SEMA7A: variants seen among roughly 807,000 people sequenced by gnomAD.
SEMA7A encodes the protein semaphorin 7A (JohnMiltonHagen blood group).
A neutral mutation model predicts 67.5 loss-of-function variants in SEMA7A; 21 were observed. The ratio of observed to expected loss-of-function variants is 0.31; its 90% CI spans 0.22 to 0.45. The LOEUF (loss-of-function observed/expected upper bound fraction) is 0.45, where lower values mean the gene tolerates loss of function less well. Ranked by LOEUF, SEMA7A falls within the 20% of genes least tolerant of loss-of-function variation. The pLI is 1.00. For missense variants in SEMA7A, 774 were observed against 908.6 expected (o/e 0.85, Z 1.90); for synonymous variants, 364 against 368.5 (o/e 0.99, Z 0.14).
chr15:74,418,588 C>T (rs2060972751), intron 2 of SEMA7A, among the ~76,000 whole-genome samples: 1 of 152,184 alleles, frequency 6.6e-6, no homozygotes, highest in African/African-American at 2.4e-5. Flanking sequence ...CTGGCCAGGC[C>T]CATTAGCTCC....
intron 8 of SEMA7A, among the ~76,000 whole-genome samples, chr15:74,415,211 C>T (rs1050207519): frequency 6.6e-6 from 1 of 152,172 alleles, no homozygotes; most frequent in East Asian, 1.9e-4. Context: ...CCATCATAGG[C>T]TGAGCAGTTC....
rs368622112 is a variant in SEMA7A at position 74,410,882 on chromosome 15, C to G, written c.1743G>C (p.Glu581Asp). ...CAGGTTCGCAGCTCTGCTCCACGTT[C>G]TCCTTGTGGCGCCATGAGTAGGTGG... ...RHATYSWRHK[E>D]NVEQSCEPGH... The change falls in exon 14 of 14, where the codon GAG becomes GAC. Residue 581 changes from glutamate to aspartate, a missense_variant. Physicochemically the swap from Glu to Asp is conservative, Grantham distance 45. This residue lies in a region of SEMA7A where 427 missense variants were observed against 555.4 expected (regional missense o/e 0.77). Coordinates refer to ENST00000261918, the MANE Select transcript of SEMA7A (RefSeq NM_003612.5). This position sits in a 1 kb window ranked among gnomAD's most constrained non-coding sequence, Gnocchi z 7.5. The G allele has an allele frequency of 6.2e-7, 1 of 1,614,100 alleles. No individual in the cohort carries two copies. The highest frequency in any genetic ancestry group is 2.2e-5 in the East Asian group (1 of 44,892).
chr15:74,418,097 G>A (rs1169367659), intron 3 of SEMA7A, 128 bp from the exon 4 acceptor site: 2 of 1,201,886 alleles, frequency 1.7e-6, no homozygotes, highest in Admixed American at 1.9e-5. Context: ...CAGCCTCCCG[G>A]GACAGCCCAG....
chr15:74,427,312 C>A, intron 1 of SEMA7A: 4 of 985,386 alleles, frequency 4.1e-6, no homozygotes, highest in Non-Finnish European at 4.8e-6. Flanking sequence ...TGGAGAGAAG[C>A]AAGACTGGGG....
chr15:74,410,697 T>C lies in SEMA7A; in HGVS notation c.1928A>G (p.His643Arg). 2 of 1,613,526 alleles carry C rather than the reference T, an allele frequency of 1.2e-6. No individual in the cohort carries two copies. Among genetic ancestry groups the C allele is most frequent in the Non-Finnish European group, 1.7e-6 (2 of 1,179,726 alleles). Residue 643 changes from histidine (H) to arginine (R), a missense_variant, in exon 14 of 14, where the codon CAT (histidine) becomes CGT (arginine). This residue lies in a region of SEMA7A where 427 missense variants were observed against 555.4 expected (regional missense o/e 0.77). Coordinates refer to ENST00000261918, the MANE Select transcript of SEMA7A (RefSeq NM_003612.5). The surrounding 1 kb of genome is among the most constrained non-coding windows in gnomAD (Gnocchi z 7.5). ...GAGGGAGGCGGCCAGGGCACAGGCA[T>C]GACCCAGCAGGTGCTCGGCCATGAT... ...DGIMAEHLLGHACALAASLWL... is the reference protein window; with the variant it reads ...DGIMAEHLLGRACALAASLWL...
intron 1 of SEMA7A, among the ~76,000 whole-genome samples, chr15:74,421,852 G>T (rs796771218): frequency 2.0e-5 from 3 of 152,336 alleles, no homozygotes; most frequent in African/African-American, 4.8e-5. Flanking sequence ...GGCAGGGGCT[G>T]AGCAAGGCCA....
In SEMA7A at chr15:74,414,181, G is replaced by A. The variant is rs1011479738; in HGVS notation, c.1294+366C>T. On this transcript the variant is annotated intron_variant, in intron 10 of 13. Transcript: ENST00000261918. The surrounding 1 kb of genome is among the most constrained non-coding windows in gnomAD (Gnocchi z 4.1). The stretch of plus-strand genomic sequence containing the variant: ...TGACTCCCTCATTCTGCCTGGCAGA[G>A]GCCAGTATCCCTGTGGTTCAGGCCC... Among the ~76,000 whole-genome samples, 5 of 152,180 alleles carry A rather than the reference G, an allele frequency of 3.3e-5. No individual in the cohort carries two copies. Among genetic ancestry groups the A allele is most frequent in the Admixed American group, 3.3e-4 (5 of 15,286 alleles).
At chr15:74,416,440 C>T (rs2060949103) in intron 7 of SEMA7A, 135 bp downstream of exon 7, 2 of 917,222 alleles carry the variant, frequency 2.2e-6, no homozygotes, top group African/African-American at 1.7e-5. Context: ...CACACAGCTG[C>T]TCCCACAGTC....
chr15:74,432,586 C>A (rs1226571221), intron 1 of SEMA7A, among the ~76,000 whole-genome samples: 1 of 152,132 alleles, frequency 6.6e-6, no homozygotes, highest in Non-Finnish European at 1.5e-5. Flanking sequence ...TCGGGCCACT[C>A]GTTTTGTGTA....
At chr15:74,415,763 C>A (rs144991810) in intron 8 of SEMA7A, 38 bp downstream of exon 8, 1 of 1,573,128 alleles carries the variant, frequency 6.4e-7, no homozygotes, top group Admixed American at 1.8e-5. Context: ...GGACACTGAA[C>A]CAATGCCAGC....
intron 1 of SEMA7A, among the ~76,000 whole-genome samples, chr15:74,422,475 G>A (rs1328152942): frequency 6.6e-6 from 1 of 152,168 alleles, no homozygotes; most frequent in Non-Finnish European, 1.5e-5. Context: ...CCCGCCCCAT[G>A]TGATTCCGAG....
In SEMA7A at chr15:74,414,307, G is replaced by A. The variant is rs527385172; in HGVS notation, c.1294+240C>T. On this transcript the variant is annotated intron_variant, in intron 10 of 13. Coordinates refer to ENST00000261918, the MANE Select transcript of SEMA7A (RefSeq NM_003612.5). The surrounding 1 kb of genome is among the most constrained non-coding windows in gnomAD (Gnocchi z 4.1). ...CTTTGCTCAGACTCTCCAGATTTCC[G>A]CCTCCAAATCCCAGTGCTTGCTTTT... Among the ~76,000 whole-genome samples the A allele has an allele frequency of 1.4e-4, 22 of 152,114 alleles. No homozygotes were observed. Among genetic ancestry groups the A allele is most frequent in the African/African-American group, 4.8e-4 (20 of 41,484 alleles).
intron 8 of SEMA7A, among the ~76,000 whole-genome samples, chr15:74,415,224 T>C (rs2060938193): frequency 6.6e-6 from 1 of 152,150 alleles, no homozygotes; most frequent in Non-Finnish European, 1.5e-5. Context: ...AGCAGTTCTC[T>C]AGCCCTCCCT....
chr15:74,417,020 A>G (rs902817462), intron 6 of SEMA7A, among the ~76,000 whole-genome samples: 3 of 152,148 alleles, frequency 2.0e-5, no homozygotes, highest in Non-Finnish European at 4.4e-5. Flanking sequence ...CAGAGCCCTG[A>G]TGAGGAGGGA....
In SEMA7A at chr15:74,410,825, G is replaced by A. The variant is rs781291005; in HGVS notation, c.1800C>T (p.Ile600=). ...CGTACTGCTGCGCCGTGAGGTTCTC[G>A]ATGAACAGGATGCAGTTGGGGCTCT... ...GHQSPNCILF[I]ENLTAQQYGH... Residue 600 remains isoleucine, a synonymous_variant, in exon 14 of 14, where the codon ATC becomes ATT. Coordinates refer to ENST00000261918, the MANE Select transcript of SEMA7A (RefSeq NM_003612.5). This position sits in a 1 kb window ranked among gnomAD's most constrained non-coding sequence, Gnocchi z 7.5. 9 of 1,614,108 alleles carry A rather than the reference G, an allele frequency of 5.6e-6. No homozygotes were observed. The highest frequency in any genetic ancestry group is 2.2e-5 in the East Asian group (1 of 44,898).
At chr15:74,422,326 A>C (rs1596195845) in intron 1 of SEMA7A, among the ~76,000 whole-genome samples, 2 of 149,710 alleles carry the variant, frequency 1.3e-5, no homozygotes, top group African/African-American at 2.5e-5. Flanking sequence ...TCCCCCCCTC[A>C]CTCCCCAGCC....
intron 1 of SEMA7A, among the ~76,000 whole-genome samples, chr15:74,420,177 C>G (rs2060988012): frequency 6.6e-6 from 1 of 152,206 alleles, no homozygotes; most frequent in African/African-American, 2.4e-5. Context: ...TGGAGCCATC[C>G]CTATTGATTC....
In SEMA7A at chr15:74,410,722, T is replaced by A; in HGVS notation, c.1903A>T (p.Ile635Phe). ...TGACCCAGCAGGTGCTCGGCCATGA[T>A]GCCGTCCTCGGGCAGCAGCTGCCAG... ...QHWQLLPEDG[I>F]MAEHLLGHAC... The change falls in exon 14 of 14, where the codon ATC (isoleucine) becomes TTC (phenylalanine). Residue 635 changes from isoleucine to phenylalanine, a missense_variant. Transcript: ENST00000261918. The surrounding 1 kb of genome is among the most constrained non-coding windows in gnomAD (Gnocchi z 7.5). 6.2e-7 allele frequency: 1 copy of A among 1,613,814 alleles called. No individual in the cohort carries two copies. The highest frequency in any genetic ancestry group is 8.5e-7 in the Non-Finnish European group (1 of 1,179,966).
chr15:74,414,258 C>T lies in SEMA7A; in HGVS notation c.1294+289G>A, dbSNP rs2060926287. Among the ~76,000 whole-genome samples the T allele has an allele frequency of 6.6e-6, 1 of 152,172 alleles. No homozygotes were observed. The highest frequency in any genetic ancestry group is 2.1e-4 in the South Asian group (1 of 4,828). ...CTACCATCTTCTTCCCTGAGTCAGA[C>T]ATCTGGACCAAAGGTGCACCTGGCT... is the stretch of plus-strand genomic sequence containing the variant. On this transcript the variant is annotated intron_variant, in intron 10 of 13. Coordinates refer to ENST00000261918, the MANE Select transcript of SEMA7A (RefSeq NM_003612.5). The surrounding 1 kb of genome is among the most constrained non-coding windows in gnomAD (Gnocchi z 4.1).
Sources: allele counts gnomAD v4.1 joint callset (sites outside exome capture counted in the v4.1 genomes callset), GRCh38; gene constraint gnomAD v4.1.1; regional missense constraint gnomAD v4.1.1; non-coding constraint Gnocchi (gnomAD v3.1); transcripts MANE v1.5; gene names NCBI Gene and HGNC (gene_info 2026-07-23, HGNC 2026-07-21).